IQUB: variants seen among roughly 807,000 people sequenced by gnomAD.
The protein encoded by IQUB is IQ motif and ubiquitin-like domain-containing protein.
IQUB carries 86 observed loss-of-function variants against 86.4 expected under a neutral mutation model. That is an observed-to-expected ratio of 1.00 (90% CI 0.84 to 1.19). IQUB has a LOEUF of 1.19. IQUB is among the 50% of genes most tolerant of loss of function. The pLI is 0.00. For missense variants in IQUB, 946 were observed against 916.9 expected, an observed-to-expected ratio of 1.03 and a Z score of -0.41; for synonymous variants, 289 against 304.5, an observed-to-expected ratio of 0.95 and a Z score of 0.53.
intron 1 of IQUB, among the ~76,000 whole-genome samples, chr7:123,513,578 T>C (rs1796521388): frequency 6.6e-6 from 1 of 152,210 alleles, no homozygotes; most frequent in East Asian, 1.9e-4. Context: ...TGCCAGCTTC[T>C]GAACTAACAT....
chr7:123,462,640 C>T, intron 10 of IQUB: 1 of 264,520 alleles, frequency 3.8e-6, no homozygotes, highest in South Asian at 3.8e-5. Context: ...ATCAAGAAGA[C>T]AACTTATCTG....
chr7:123,452,656 A>G lies in IQUB; in HGVS notation c.*87T>C. The G allele has an allele frequency of 1.2e-6, 1 of 802,544 alleles. No individual in the cohort carries two copies. The allele number at this position is 802,544 out of a possible 1,614,324, so 49.7% of individuals were successfully genotyped here. On this transcript the variant is annotated 3_prime_UTR_variant, in exon 13 of 13. Coordinates refer to ENST00000324698, the MANE Select transcript of IQUB (RefSeq NM_178827.5). The stretch of plus-strand genomic sequence containing the variant: ...AAAAACAAAATCAATAAACAGATTA[A>G]ATTCCATTTCCATACTCTGTGACCT...
chr7:123,515,743 GCTCT>G (rs1796609229), intron 1 of IQUB, among the ~76,000 whole-genome samples: 1 of 152,138 alleles, frequency 6.6e-6, no homozygotes, highest in Admixed American at 6.6e-5. Context: ...ATTTTTTAAA[GCTCT>G]CTAATAGCAA....
chr7:123,465,631 C>T (rs1271165134), intron 9 of IQUB, among the ~76,000 whole-genome samples: 1 of 151,958 alleles, frequency 6.6e-6, no homozygotes, highest in Non-Finnish European at 1.5e-5. Flanking sequence ...TTATAAGGTC[C>T]TCCAATTGCC....
At chr7:123,508,793 G>C (rs1796298407) in intron 3 of IQUB, among the ~76,000 whole-genome samples, 1 of 152,160 alleles carries the variant, frequency 6.6e-6, no homozygotes, top group Non-Finnish European at 1.5e-5. Flanking sequence ...CTTTGCACAA[G>C]TTTCTTGAGT....
intron 3 of IQUB, among the ~76,000 whole-genome samples, chr7:123,505,656 G>A (rs1052511252): frequency 6.6e-6 from 1 of 152,122 alleles, no homozygotes; most frequent in Admixed American, 6.5e-5. Context: ...TGTCCCAAAC[G>A]GCCCTGGGCC....
At chr7:123,459,724 G>C (rs1793896085) in intron 11 of IQUB, 1 of 151,810 alleles carries the variant, frequency 6.6e-6, no homozygotes, top group African/African-American at 2.4e-5. Context: ...ATGGAATATT[G>C]AGCCAGCACT....
intron 1 of IQUB, among the ~76,000 whole-genome samples, chr7:123,518,266 C>T (rs1007928010): frequency 3.3e-5 from 5 of 152,212 alleles, no homozygotes; most frequent in Admixed American, 2.6e-4. Flanking sequence ...AGTACTACTG[C>T]AACAGTCTCT....
At chr7:123,494,182 T>G (rs1795612463) in intron 7 of IQUB, among the ~76,000 whole-genome samples, 1 of 152,130 alleles carries the variant, frequency 6.6e-6, no homozygotes, top group Admixed American at 6.6e-5. Flanking sequence ...CTCAACATAC[T>G]GCTATAAAAA....
At chr7:123,524,611 G>A (rs1297959598) in intron 1 of IQUB, among the ~76,000 whole-genome samples, 3 of 150,748 alleles carry the variant, frequency 2.0e-5, no homozygotes, top group Non-Finnish European at 3.0e-5. Context: ...CTGAGACAAT[G>A]GGGTTTTCTA....
chr7:123,504,966 C>T (rs938345199), intron 3 of IQUB, among the ~76,000 whole-genome samples: 1 of 152,202 alleles, frequency 6.6e-6, no homozygotes, highest in Non-Finnish European at 1.5e-5. Flanking sequence ...TAGTTACTTC[C>T]AAGATACAAT....
intron 10 of IQUB, among the ~76,000 whole-genome samples, chr7:123,463,238 C>G (rs1246494418): frequency 6.6e-6 from 1 of 151,648 alleles, no homozygotes; most frequent in Non-Finnish European, 1.5e-5. Context: ...TTGGTTGTCT[C>G]TTTTTAAAGT....
intron 1 of IQUB, among the ~76,000 whole-genome samples, chr7:123,524,165 T>C (rs1260842076): frequency 6.7e-6 from 1 of 149,034 alleles, no homozygotes; most frequent in Non-Finnish European, 1.5e-5. Context: ...TCTTTTGGCT[T>C]AGGATTGACT....
chr7:123,489,020 C>G (rs566724531), intron 7 of IQUB, among the ~76,000 whole-genome samples: 1 of 152,008 alleles, frequency 6.6e-6, no homozygotes, highest in Admixed American at 6.6e-5. Context: ...GCAAAGAAGC[C>G]AGAAATAAAA....
chr7:123,527,705 C>T (rs1797313168), intron 1 of IQUB, among the ~76,000 whole-genome samples: 3 of 152,150 alleles, frequency 2.0e-5, no homozygotes, highest in Admixed American at 6.6e-5. Flanking sequence ...GGGAGAACCA[C>T]TGCTCTCTTC....
chr7:123,462,479 T>C (rs765687109), intron 10 of IQUB, among the ~76,000 whole-genome samples: 3 of 151,768 alleles, frequency 2.0e-5, no homozygotes, highest in Non-Finnish European at 3.0e-5. Flanking sequence ...GCGTTACTTT[T>C]CCTAAACACT....
At position 123,503,980 on chromosome 7, in the gene IQUB, G is replaced by A. The variant is rs567747754; in HGVS notation, c.533-617C>T. 8.2e-4 allele frequency among the ~76,000 whole-genome samples: 124 copies of A among 152,064 alleles called. 1 individual carries two copies. In the South Asian group the frequency reaches 8.3e-3, roughly 10 times the overall value. On this transcript the variant is annotated intron_variant, in intron 3 of 12. Transcript: ENST00000324698. ...AAAATAAAGACATTCTATGGTATGA[G>A]CAGAATAATATGCTAAACATTCATT...
chr7:123,482,610 G>A (rs1183452726), intron 7 of IQUB, among the ~76,000 whole-genome samples: 1 of 152,038 alleles, frequency 6.6e-6, no homozygotes, highest in African/African-American at 2.4e-5. Flanking sequence ...CACTACATGT[G>A]AAAATGCGTA....
chr7:123,458,894 A>ATGTT, intron 11 of IQUB, among the ~76,000 whole-genome samples: 1 of 152,142 alleles, frequency 6.6e-6, no homozygotes, highest in African/African-American at 2.4e-5. Context: ...TCTAAGCAGA[A>ATGTT]TGTTTACTTT....
Sources: gnomAD v4.1 joint callset for allele counts (sites outside exome capture counted in the v4.1 genomes callset) on GRCh38, gnomAD v4.1.1 for gene constraint, MANE v1.5 for transcripts, NCBI Gene and HGNC (gene_info 2026-07-23, HGNC 2026-07-21) for gene names.